The following POU2F2 variants were observed in gnomAD, a reference collection of about 807,000 sequenced individuals.
POU2F2 encodes the protein POU class 2 homeobox 2.
Under a neutral mutation model 63.5 loss-of-function variants are expected in POU2F2, and 14 were observed. That is an observed-to-expected ratio of 0.22 (90% CI 0.15 to 0.34). The LOEUF is 0.34. Ranked by LOEUF, POU2F2 falls within the 10% of genes least tolerant of loss-of-function variation. The probability of loss-of-function intolerance (pLI) is 1.00; values close to 1 mark genes in which losing one functional copy is unlikely to be tolerated. For synonymous variants in POU2F2, 306 were observed against 348.6 expected, an observed-to-expected ratio of 0.88 and a Z score of 1.36; for missense variants, 607 against 815.2, an observed-to-expected ratio of 0.74 and a Z score of 3.11.
Position 42,139,380 on chromosome 19 carries a change from G to A in POU2F2, c.-8-16804C>T, listed in dbSNP as rs931573103. Among the ~76,000 whole-genome samples, 4 of 152,182 alleles carry A rather than the reference G, an allele frequency of 2.6e-5. No homozygotes were observed. In the South Asian group the frequency reaches 6.2e-4, roughly 24 times the overall value. On this transcript the variant is annotated intron_variant, in intron 2 of 6. Transcript: ENST00000524801. ...TCCCTGTTCTGAAATTCGCCCTCTA[G>A]TGACCTAGGGCCAGCCCCCTGAACT...
intron 5 of POU2F2, among the ~76,000 whole-genome samples, chr19:42,101,770 G>A (rs1464081693): frequency 1.3e-5 from 2 of 152,150 alleles, no homozygotes; most frequent in African/African-American, 2.4e-5. Context: ...GAGGTCAGGA[G>A]TTTGAGACCA....
chr19:42,102,338 CA>C (rs2077175335), intron 5 of POU2F2, among the ~76,000 whole-genome samples: 1 of 152,116 alleles, frequency 6.6e-6, no homozygotes, highest in Non-Finnish European at 1.5e-5. Flanking sequence ...AAAGGGACAC[CA>C]GGGGGCTTCT....
chr19:42,128,920 C>T (rs1180407401), intron 1 of POU2F2, among the ~76,000 whole-genome samples: 1 of 151,928 alleles, frequency 6.6e-6, no homozygotes, highest in African/African-American at 2.4e-5. Context: ...GCAACCTTTG[C>T]CTCCTGGGTT....
chr19:42,153,289 T>C lies in POU2F2; in HGVS notation c.-9+7043A>G, dbSNP rs1404798886. 6.6e-6 allele frequency among the ~76,000 whole-genome samples: 1 copy of C among 152,162 alleles called. No individual in the cohort carries two copies. The highest frequency in any genetic ancestry group is 1.9e-4 in the East Asian group (1 of 5,194). ...ATGTCTGTGTGTGAACATGAGTTCA[T>C]GGATGTGTCCCAGGAGCACTGGGTG... On this transcript the variant is annotated intron_variant, in intron 2 of 6. Coordinates refer to the POU2F2 transcript ENST00000524801. The surrounding 1 kb of genome is among the most constrained non-coding windows in gnomAD (Gnocchi z 5.6).
In POU2F2 at chr19:42,155,240, CCT is replaced by C. The variant is rs373565368; in HGVS notation, c.-9+5090_-9+5091del. 2.3e-4 allele frequency among the ~76,000 whole-genome samples: 35 copies of C among 152,338 alleles called. No individual in the cohort carries two copies. Among genetic ancestry groups the C allele is most frequent in the Middle Eastern group, 6.8e-3 (2 of 294 alleles). On this transcript the variant is annotated intron_variant, in intron 2 of 6. Transcript: ENST00000524801. This position sits in a 1 kb window ranked among gnomAD's most constrained non-coding sequence, Gnocchi z 4.2. Reference sequence around the variant, plus strand: ...ATGCGCTCAGCTCGCATGCACGCGCCCTCTCTTTCTCTCTGTTCCTTTCTGTC... The same window carrying C: ...ATGCGCTCAGCTCGCATGCACGCGCCCTCTTTCTCTCTGTTCCTTTCTGTC...
chr19:42,103,221 A>G (rs1402039921), intron 5 of POU2F2, among the ~76,000 whole-genome samples: 1 of 150,792 alleles, frequency 6.6e-6, no homozygotes, highest in African/African-American at 2.4e-5. Context: ...ACCCCATTTC[A>G]TCTCCCTCAC....
At chr19:42,147,303 A>G (rs1358097290) in intron 2 of POU2F2, among the ~76,000 whole-genome samples, 2 of 152,110 alleles carry the variant, frequency 1.3e-5, no homozygotes, top group Non-Finnish European at 2.9e-5. Context: ...GGCCCTTCGC[A>G]TGTGCCATTC....
chr19:42,106,074 T>A (rs1328467451), intron 5 of POU2F2, among the ~76,000 whole-genome samples: 1 of 151,466 alleles, frequency 6.6e-6, no homozygotes, highest in Non-Finnish European at 1.5e-5. Flanking sequence ...TTTTCTTTCT[T>A]TTCTTTCTTT....
chr19:42,132,433 G>T lies in POU2F2; in HGVS notation c.-22C>A. The stretch of plus-strand genomic sequence containing the variant: ...CCATGCTGCCCGCCCCGCCAGGGCT[G>T]GGGGAACAACTGTGTCATCTCCCCA... On this transcript the variant is annotated 5_prime_UTR_variant, in exon 1 of 15. Transcript: ENST00000692977. The T allele has an allele frequency of 6.8e-7, 1 of 1,476,752 alleles. No homozygotes were observed. Among genetic ancestry groups the T allele is most frequent in the Non-Finnish European group, 9.0e-7 (1 of 1,114,602 alleles). The allele number at this position is 1,476,752 out of a possible 1,614,324, so 91.5% of individuals were successfully genotyped here. A position where few individuals can be genotyped will look rare whatever the true frequency, so the allele number is the denominator to read the frequency against.
chr19:42,181,581 T>TTTAC (rs879424399), intron 1 of POU2F2, among the ~76,000 whole-genome samples: 1,792 of 151,620 alleles, frequency 0.012, 15 homozygotes, highest in Middle Eastern at 0.027. Context: ...CATTTATTTA[T>TTTAC]TTATTTATTT....
intron 7 of POU2F2, among the ~76,000 whole-genome samples, chr19:42,097,655 T>A (rs1401753349): frequency 6.6e-6 from 1 of 151,828 alleles, no homozygotes; most frequent in Non-Finnish European, 1.5e-5. Flanking sequence ...ACAAAAATTT[T>A]AAAAATTAAC....
At chr19:42,173,643 T>A (rs1188493102) in intron 1 of POU2F2, among the ~76,000 whole-genome samples, 1 of 150,648 alleles carries the variant, frequency 6.6e-6, no homozygotes, top group Admixed American at 6.6e-5. Flanking sequence ...TGGGTATAGG[T>A]GTGTGCATAC....
intron 5 of POU2F2, among the ~76,000 whole-genome samples, chr19:42,116,056 G>C (rs1223349591): frequency 6.6e-6 from 1 of 152,222 alleles, no homozygotes; most frequent in Admixed American, 6.5e-5. Context: ...GCTTCAGAGA[G>C]AGCACGGCCC....
chr19:42,153,654 T>C lies in POU2F2; in HGVS notation c.-9+6678A>G, dbSNP rs1240857289. Among the ~76,000 whole-genome samples the C allele has an allele frequency of 3.3e-5, 5 of 152,104 alleles. No homozygotes were observed. Among genetic ancestry groups the C allele is most frequent in the Admixed American group, 6.5e-5 (1 of 15,280 alleles). ...TGAGTGTCGGAGAGTCCATGCGGTT[T>C]CTCTGTGTGTCTATGTGATGCTGTG... On this transcript the variant is annotated intron_variant, in intron 2 of 6. Transcript: ENST00000524801. This position sits in a 1 kb window ranked among gnomAD's most constrained non-coding sequence, Gnocchi z 5.6.
chr19:42,190,866 G>A (rs1453395685), intron 1 of POU2F2, among the ~76,000 whole-genome samples: 1 of 152,092 alleles, frequency 6.6e-6, no homozygotes, highest in Admixed American at 6.5e-5. Context: ...AACACCTATA[G>A]ATGTAACGGT....
chr19:42,145,229 T>C (rs2034206495), intron 2 of POU2F2, among the ~76,000 whole-genome samples: 10 of 152,350 alleles, frequency 6.6e-5, no homozygotes, highest in Admixed American at 5.9e-4. Context: ...CACAGGTCTG[T>C]AAATCCATTT....
intron 1 of POU2F2, among the ~76,000 whole-genome samples, chr19:42,189,058 T>C (rs900916113): frequency 6.6e-6 from 1 of 152,150 alleles, no homozygotes; most frequent in African/African-American, 2.4e-5. Context: ...AAAAATGTAC[T>C]TGGATTTGGC....
chr19:42,124,270 C>T (rs1033085952), intron 1 of POU2F2, among the ~76,000 whole-genome samples: 6 of 147,108 alleles, frequency 4.1e-5, no homozygotes, highest in Non-Finnish European at 7.4e-5. Context: ...CACCACTGCG[C>T]TCCAGCCTGG....
chr19:42,163,823 T>A lies in POU2F2; in HGVS notation c.-69-3431A>T, dbSNP rs144749459. 2.6e-4 allele frequency among the ~76,000 whole-genome samples: 40 copies of A among 152,256 alleles called. No individual in the cohort carries two copies. The East Asian group carries it at 7.7e-3, about 29-fold the overall frequency. On this transcript the variant is annotated intron_variant, in intron 1 of 6. Coordinates refer to the POU2F2 transcript ENST00000524801. ...ATCATATGAGTGGGGACTGGTACAA[T>A]AAATGATAGTATAGTGGCCATACAA...
Sources: gnomAD v4.1 joint callset for allele counts (sites outside exome capture counted in the v4.1 genomes callset) on GRCh38, gnomAD v4.1.1 for gene constraint, Gnocchi (gnomAD v3.1) non-coding constraint, MANE v1.5 for transcripts, NCBI Gene and HGNC (gene_info 2026-07-23, HGNC 2026-07-21) for gene names.